Variants in SUMF1 observed in about 807,000 individuals in gnomAD.
The protein encoded by SUMF1 is formylglycine-generating enzyme.
In SUMF1, 48 loss-of-function variants were observed where a neutral mutation model predicts 47.6. The observed-to-expected ratio is 1.01, with a 90% CI of 0.80 to 1.28. The LOEUF is 1.28. Ranked by LOEUF, SUMF1 falls within the 50% of genes most tolerant of loss-of-function variation. The probability of loss-of-function intolerance (pLI) is 0.00; values close to 1 mark genes in which losing one functional copy is unlikely to be tolerated. For synonymous variants in SUMF1, 230 were observed against 192.1 expected, an observed-to-expected ratio of 1.20 and a Z score of -1.63; for missense variants, 571 against 485.4, an observed-to-expected ratio of 1.18 and a Z score of -1.66.
chr3:4,249,262 TACAG>T (rs1476232109), intron 8 of SUMF1, among the ~76,000 whole-genome samples: 1 of 152,180 alleles, frequency 6.6e-6, no homozygotes, highest in African/African-American at 2.4e-5. Flanking sequence ...AAATATAATA[TACAG>T]ACAGTCTTAT....
At chr3:4,219,731 T>C (rs1261123902) in intron 8 of SUMF1, among the ~76,000 whole-genome samples, 1 of 152,164 alleles carries the variant, frequency 6.6e-6, no homozygotes, top group Admixed American at 6.6e-5. Context: ...AGAAATACAC[T>C]GGGAATATGT....
At chr3:4,178,107 G>A (rs1008692686) in intron 8 of SUMF1, among the ~76,000 whole-genome samples, 3 of 152,114 alleles carry the variant, frequency 2.0e-5, no homozygotes, top group South Asian at 2.1e-4. Context: ...AATTCTACCA[G>A]AGGTACAAAG....
intron 8 of SUMF1, among the ~76,000 whole-genome samples, chr3:4,260,374 C>T (rs1196818576): frequency 6.6e-6 from 1 of 152,088 alleles, no homozygotes; most frequent in African/African-American, 2.4e-5. Context: ...GCTGTTGTTT[C>T]TTAAAGAGAA....
rs1699960951 is a variant in SUMF1 at position 4,366,459 on chromosome 3, A to C, written c.1015-4205T>G. Among the ~76,000 whole-genome samples, 3 of 151,166 alleles carry C rather than the reference A, an allele frequency of 2.0e-5. No homozygotes were observed. In the South Asian group the frequency reaches 6.3e-4, roughly 32 times the overall value. ...TAAACTTCCCTTCTCGCTTCATTTC[A>C]TTCATTTCATCTTCCATCACTGATA... On this transcript the variant is annotated intron_variant, in intron 8 of 8. Coordinates refer to ENST00000272902, the MANE Select transcript of SUMF1 (RefSeq NM_182760.4).
chr3:4,160,485 C>T (rs1694551093), intron 8 of SUMF1, among the ~76,000 whole-genome samples: 1 of 152,030 alleles, frequency 6.6e-6, no homozygotes, highest in African/African-American at 2.4e-5. Context: ...AGTGATCTGC[C>T]CGCTTTGGTC....
intron 9 of SUMF1, among the ~76,000 whole-genome samples, chr3:4,040,442 C>T (rs1215865288): frequency 6.6e-6 from 1 of 152,150 alleles, no homozygotes; most frequent in Non-Finnish European, 1.5e-5. Context: ...AATAACCCTT[C>T]CTCCAGCCCT....
intron 1 of SUMF1, among the ~76,000 whole-genome samples, chr3:4,460,052 G>T (rs1489288409): frequency 6.6e-6 from 1 of 152,174 alleles, no homozygotes; most frequent in African/African-American, 2.4e-5. Flanking sequence ...GGATAAAAAA[G>T]GATGCTTTTG....
chr3:4,332,794 C>A (rs1350585354), intron 8 of SUMF1, among the ~76,000 whole-genome samples: 2 of 152,106 alleles, frequency 1.3e-5, no homozygotes, highest in African/African-American at 4.8e-5. Flanking sequence ...TGGATACCTG[C>A]GGCCCTAAGT....
At chr3:4,389,040 G>A (rs1192355680) in intron 7 of SUMF1, among the ~76,000 whole-genome samples, 3 of 152,030 alleles carry the variant, frequency 2.0e-5, no homozygotes, top group Non-Finnish European at 4.4e-5. Flanking sequence ...ACTCATATTT[G>A]GGCTTACCAT....
chr3:4,267,630 A>G (rs1229207785), intron 8 of SUMF1, among the ~76,000 whole-genome samples: 1 of 152,022 alleles, frequency 6.6e-6, no homozygotes, highest in Non-Finnish European at 1.5e-5. Flanking sequence ...AAAACACATG[A>G]AAAAATGCTC....
intron 8 of SUMF1, among the ~76,000 whole-genome samples, chr3:4,089,305 A>G (rs928491634): frequency 1.3e-5 from 2 of 152,084 alleles, no homozygotes; most frequent in African/African-American, 4.8e-5. Flanking sequence ...TCATAATACA[A>G]CTCTCAACAA....
chr3:4,117,162 G>A (rs1693440783), intron 8 of SUMF1, among the ~76,000 whole-genome samples: 1 of 152,022 alleles, frequency 6.6e-6, no homozygotes, highest in South Asian at 2.1e-4. Context: ...CTCTAAGCAG[G>A]GGAATTATGG....
intron 8 of SUMF1, among the ~76,000 whole-genome samples, chr3:4,298,948 G>GT (rs555875413): frequency 8.5e-4 from 129 of 152,114 alleles, no homozygotes; most frequent in African/African-American, 2.8e-3. Flanking sequence ...CTTCCACCTG[G>GT]AATGCCTAAA....
At chr3:4,190,183 T>C (rs924481170) in intron 8 of SUMF1, among the ~76,000 whole-genome samples, 2 of 151,124 alleles carry the variant, frequency 1.3e-5, no homozygotes, top group African/African-American at 2.4e-5. Context: ...AGAAGACTTA[T>C]GGAGAGTTTT....
At chr3:4,305,136 A>G (rs1698138081) in intron 8 of SUMF1, among the ~76,000 whole-genome samples, 1 of 152,160 alleles carries the variant, frequency 6.6e-6, no homozygotes, top group Non-Finnish European at 1.5e-5. Context: ...CACCCAGGCT[A>G]GAGTGTGGTG....
chr3:4,457,038 G>GTATATATATACGTGTGTGTGTATA (rs1559313302), intron 1 of SUMF1, among the ~76,000 whole-genome samples: 1 of 109,212 alleles, frequency 9.2e-6, no homozygotes, highest in Non-Finnish European at 2.1e-5. Context: ...ACGTGTGTGT[G>GTATATATATACGTGTGTGTGTATA]TATATATATA....
At chr3:4,036,654 C>T (rs909537284) in intron 9 of SUMF1, among the ~76,000 whole-genome samples, 2 of 150,746 alleles carry the variant, frequency 1.3e-5, no homozygotes, top group Admixed American at 6.6e-5. Context: ...CCAAGACCTG[C>T]TCAGTCCAGA....
chr3:4,069,905 T>G (rs1695478872), intron 8 of SUMF1, among the ~76,000 whole-genome samples: 1 of 152,202 alleles, frequency 6.6e-6, no homozygotes, highest in Non-Finnish European at 1.5e-5. Flanking sequence ...CCCCTTTGTT[T>G]TCCTTACTTC....
At chr3:4,201,932 C>T (rs1695548925) in intron 8 of SUMF1, among the ~76,000 whole-genome samples, 1 of 151,744 alleles carries the variant, frequency 6.6e-6, no homozygotes, top group African/African-American at 2.4e-5. Context: ...GATCTTTTGC[C>T]CATTTTTTTA....
Sources: gnomAD v4.1 joint callset for allele counts (sites outside exome capture counted in the v4.1 genomes callset) on GRCh38, gnomAD v4.1.1 for gene constraint, MANE v1.5 for transcripts, NCBI Gene and HGNC (gene_info 2026-07-23, HGNC 2026-07-21) for gene names.